Variants in POC1A observed in about 807,000 individuals in gnomAD.
The protein encoded by POC1A is POC1 centriolar protein A.
POC1A carries 34 observed loss-of-function variants against 47.8 expected under a neutral mutation model. That is an observed-to-expected ratio of 0.71 (90% CI 0.54 to 0.95). The LOEUF (loss-of-function observed/expected upper bound fraction) is 0.95. Among genes scored for constraint, POC1A ranks in the 40% least tolerant of loss-of-function variants. The pLI, the probability that POC1A is intolerant of heterozygous loss-of-function variation, is 0.00. For missense variants in POC1A, 466 were observed against 528.3 expected (o/e 0.88, Z 1.16); for synonymous variants, 177 against 207.6 (o/e 0.85, Z 1.27).
chr3:52,145,882 C>T lies in POC1A; in HGVS notation c.643G>A (p.Asp215Asn), dbSNP rs1223710655. The T allele has an allele frequency of 2.5e-6, 4 of 1,613,720 alleles. No individual in the cohort carries two copies. Among genetic ancestry groups the T allele is most frequent in the Non-Finnish European group, 3.4e-6 (4 of 1,179,872 alleles). ...AGMDNTVKVW[D>N]VRTHRLLQHY... ...TGCAGCAGCCGGTGAGTCCGCACGTCCCACACCTTCACTGTGTTGTCCATG... is the reference window on the plus strand; with the variant it reads ...TGCAGCAGCCGGTGAGTCCGCACGTTCCACACCTTCACTGTGTTGTCCATG... Residue 215 changes from aspartate (D) to asparagine (N), a missense_variant, in exon 6 of 11, where the codon GAC (aspartate) becomes AAC (asparagine). Asp to Asn is a conservative substitution (Grantham distance 23, BLOSUM62 1). Coordinates refer to ENST00000296484, the MANE Select transcript of POC1A (RefSeq NM_015426.5).
intron 7 of POC1A, among the ~76,000 whole-genome samples, chr3:52,129,887 T>C (rs1208910329): frequency 6.6e-6 from 1 of 152,190 alleles, no homozygotes; most frequent in Non-Finnish European, 1.5e-5. Flanking sequence ...AGGACCCACA[T>C]TGCCTGGTTT....
chr3:52,137,555 G>A (rs998659696), intron 7 of POC1A, among the ~76,000 whole-genome samples: 57 of 152,098 alleles, frequency 3.7e-4, no homozygotes, highest in Middle Eastern at 3.4e-3. Flanking sequence ...TGAAAGGCCC[G>A]GACCCAGGCC....
chr3:52,117,962 T>C (rs1559831002), intron 9 of POC1A, among the ~76,000 whole-genome samples: 1 of 152,204 alleles, frequency 6.6e-6, no homozygotes, highest in Non-Finnish European at 1.5e-5. Context: ...TCTTTATGCC[T>C]CGGGGTCAGG....
chr3:52,121,882 C>T (rs1311819184), intron 9 of POC1A, among the ~76,000 whole-genome samples: 3 of 152,128 alleles, frequency 2.0e-5, no homozygotes, highest in Non-Finnish European at 4.4e-5. Context: ...TATTCTTTTA[C>T]GAACAGAGGT....
intron 6 of POC1A, among the ~76,000 whole-genome samples, chr3:52,138,711 T>C (rs1045666116): frequency 2.6e-5 from 4 of 152,172 alleles, no homozygotes; most frequent in Non-Finnish European, 5.9e-5. Flanking sequence ...ACCCTTCAAA[T>C]GTCAATACAA....
intron 10 of POC1A, 27 bp downstream of exon 10, chr3:52,096,542 G>C: frequency 6.6e-7 from 1 of 1,515,514 alleles, no homozygotes. Flanking sequence ...ATGACGGGAT[G>C]ACGGGTGAAC....
intron 9 of POC1A, among the ~76,000 whole-genome samples, chr3:52,103,966 T>A (rs1014515938): frequency 1.3e-5 from 2 of 152,204 alleles, no homozygotes; most frequent in Non-Finnish European, 2.9e-5. Context: ...ACCTATTATA[T>A]GTCCCAGCCA....
chr3:52,149,156 C>T, intron 4 of POC1A, 54 bp downstream of exon 4: 2 of 1,546,900 alleles, frequency 1.3e-6, no homozygotes, highest in Non-Finnish European at 1.8e-6. Flanking sequence ...GCCCCTGGGC[C>T]AGCCCCCAAC....
chr3:52,124,975 CAGGGCCTTTTT>C, intron 8 of POC1A, 127 bp downstream of exon 8: 1 of 661,386 alleles, frequency 1.5e-6, no homozygotes, highest in Non-Finnish European at 2.6e-6. Context: ...CAAGCGCCAT[CAGGGCCTTTTT>C]AGTCGCTGAA....
At chr3:52,081,164 C>T (rs555570303) in intron 10 of POC1A, among the ~76,000 whole-genome samples, 2 of 152,362 alleles carry the variant, frequency 1.3e-5, no homozygotes, top group African/African-American at 4.8e-5. Context: ...TTTCTCTAGA[C>T]CAAGGGTTAG....
At chr3:52,125,864 C>T (rs1033376212) in intron 7 of POC1A, among the ~76,000 whole-genome samples, 8 of 152,216 alleles carry the variant, frequency 5.3e-5, no homozygotes, top group African/African-American at 1.7e-4. Flanking sequence ...GCCAGGCACA[C>T]GCCAGGCCGC....
chr3:52,148,576 G>A (rs556839073), intron 4 of POC1A, among the ~76,000 whole-genome samples: 22 of 152,356 alleles, frequency 1.4e-4, no homozygotes, highest in Admixed American at 6.5e-5. Flanking sequence ...TACCTGGCCC[G>A]CTGTCTGCAC....
chr3:52,107,892 C>T (rs1703242514), intron 9 of POC1A, among the ~76,000 whole-genome samples: 1 of 152,190 alleles, frequency 6.6e-6, no homozygotes, highest in Non-Finnish European at 1.5e-5. Flanking sequence ...CCCATTTGAA[C>T]TTTACCAGTT....
At chr3:52,106,579 C>T (rs1310249397) in intron 9 of POC1A, among the ~76,000 whole-genome samples, 2 of 152,190 alleles carry the variant, frequency 1.3e-5, no homozygotes, top group East Asian at 3.9e-4. Context: ...GATGGGGAAT[C>T]TGCATGCCTG....
intron 7 of POC1A, among the ~76,000 whole-genome samples, chr3:52,126,732 C>T (rs939206768): frequency 5.9e-5 from 9 of 152,320 alleles, no homozygotes; most frequent in South Asian, 2.1e-4. Context: ...AGTCATCCCA[C>T]GGCAGAAGGG....
At chr3:52,124,514 A>G (rs1339431920) in intron 8 of POC1A, among the ~76,000 whole-genome samples, 2 of 152,210 alleles carry the variant, frequency 1.3e-5, no homozygotes, top group African/African-American at 2.4e-5. Flanking sequence ...CCCCTCAAAC[A>G]GTGTCCAAGG....
intron 10 of POC1A, among the ~76,000 whole-genome samples, chr3:52,091,763 C>T (rs1702654610): frequency 1.3e-5 from 2 of 152,204 alleles, no homozygotes; most frequent in African/African-American, 4.8e-5. Flanking sequence ...ATATTGCTCC[C>T]AGGAGAACAT....
chr3:52,091,235 G>A (rs1323292555), intron 10 of POC1A, among the ~76,000 whole-genome samples: 2 of 152,132 alleles, frequency 1.3e-5, no homozygotes, highest in Non-Finnish European at 1.5e-5. Flanking sequence ...AGAGGCGTGC[G>A]ATCTCTCAGT....
Position 52,145,856 on chromosome 3 carries a change from C to T in POC1A, c.669G>A (p.Gln223=), listed in dbSNP as rs767553196. 6 of 1,611,552 alleles carry T rather than the reference C, an allele frequency of 3.7e-6. No individual in the cohort carries two copies. The Admixed American group carries it at 6.7e-5, about 18-fold the overall frequency. ...VWDVRTHRLL[Q]HYQLHSAAVN... is the part of the protein sequence containing the mutation. ...CTGTTCACCACTCACACTGATAATG[C>T]TGCAGCAGCCGGTGAGTCCGCACGT... Residue 223 remains glutamine, a synonymous_variant, in exon 6 of 11, where the codon CAG becomes CAA. Transcript: ENST00000296484.
Sources: gnomAD v4.1 joint callset for allele counts (sites outside exome capture counted in the v4.1 genomes callset) on GRCh38, gnomAD v4.1.1 for gene constraint, MANE v1.5 for transcripts, NCBI Gene and HGNC (gene_info 2026-07-23, HGNC 2026-07-21) for gene names.